HNF4G: variants seen among roughly 807,000 people sequenced by gnomAD.
The protein encoded by HNF4G is hepatocyte nuclear factor 4-gamma.
HNF4G carries 21 observed loss-of-function variants against 50.9 expected under a neutral mutation model. The ratio of observed to expected loss-of-function variants is 0.41; its 90% CI spans 0.29 to 0.59. The LOEUF (loss-of-function observed/expected upper bound fraction) is 0.59. HNF4G is among the 20% of genes least tolerant of loss of function. The probability of loss-of-function intolerance (pLI) is 0.26; values close to 1 mark genes in which losing one functional copy is unlikely to be tolerated. For missense variants in HNF4G, 527 were observed against 559.4 expected, an observed-to-expected ratio of 0.94 and a Z score of 0.58; for synonymous variants, 198 against 185.6, an observed-to-expected ratio of 1.07 and a Z score of -0.54.
intron 2 of HNF4G, among the ~76,000 whole-genome samples, chr8:75,500,405 A>G (rs1028016714): frequency 2.6e-5 from 4 of 152,148 alleles, no homozygotes; most frequent in Admixed American, 2.6e-4. Flanking sequence ...TTGAAATCTC[A>G]TGTATTACTG....
At position 75,504,223 on chromosome 8, in the gene HNF4G, GCACACAGA is replaced by G. The variant is rs1250036505; in HGVS notation, c.-24+14022_-24+14029del. Among the ~76,000 whole-genome samples, 3 of 87,250 alleles carry G rather than the reference GCACACAGA, an allele frequency of 3.4e-5. No individual in the cohort carries two copies. In the East Asian group the frequency reaches 1.2e-3, roughly 34 times the overall value. 57.2% of individuals were successfully genotyped at this position (87,250 alleles called of 152,430 possible). A position where few individuals can be genotyped will look rare whatever the true frequency, so the allele number is the denominator to read the frequency against. ...GTGACAGAGTAAGACTTTGTCCAAAGCACACAGACACACACACACACACACACACACAC... is the reference window on the plus strand; with the variant it reads ...GTGACAGAGTAAGACTTTGTCCAAAGCACACACACACACACACACACACAC... On this transcript the variant is annotated intron_variant, in intron 2 of 10. Coordinates refer to the HNF4G transcript ENST00000354370.
At chr8:75,499,598 A>G (rs190353913) in intron 2 of HNF4G, among the ~76,000 whole-genome samples, 12 of 152,188 alleles carry the variant, frequency 7.9e-5, no homozygotes, top group African/African-American at 2.6e-4. Context: ...CAACAAAAGA[A>G]CACAGCTGAA....
At chr8:75,531,064 G>A (rs942918441) in intron 2 of HNF4G, among the ~76,000 whole-genome samples, 4 of 152,028 alleles carry the variant, frequency 2.6e-5, no homozygotes, top group Admixed American at 2.6e-4. Context: ...AAGGTGCTGG[G>A]ATTACAGGTG....
At chr8:75,409,298 A>G (rs1026151151) in intron 1 of HNF4G, among the ~76,000 whole-genome samples, 2 of 152,126 alleles carry the variant, frequency 1.3e-5, no homozygotes, top group Non-Finnish European at 2.9e-5. Context: ...ACATTTTTCC[A>G]AAGTGCTTTA....
intron 5 of HNF4G, among the ~76,000 whole-genome samples, chr8:75,554,916 A>T (rs1047898912): frequency 6.6e-6 from 1 of 152,170 alleles, no homozygotes; most frequent in Non-Finnish European, 1.5e-5. Flanking sequence ...GCCCAGGAGA[A>T]TCTGAGAAGA....
intron 3 of HNF4G, among the ~76,000 whole-genome samples, chr8:75,548,387 A>C (rs1443573928): frequency 6.6e-6 from 1 of 152,130 alleles, no homozygotes; most frequent in Non-Finnish European, 1.5e-5. Flanking sequence ...TCATTTATTT[A>C]CTAAATACTT....
At chr8:75,453,512 G>A (rs58245885) in intron 1 of HNF4G, among the ~76,000 whole-genome samples, 23,754 of 94,078 alleles carry the variant, frequency 0.25, 2,200 homozygotes, top group African/African-American at 0.37. Context: ...CTGCCCCCCC[G>A]CCCCGTAGCC....
At chr8:75,445,019 A>T (rs1461728601) in intron 1 of HNF4G, among the ~76,000 whole-genome samples, 1,564 of 151,058 alleles carry the variant, frequency 0.01, 18 homozygotes, top group African/African-American at 0.036. Flanking sequence ...AACTGACCAC[A>T]TACTTGGAAG....
At chr8:75,415,516 T>C (rs1192614788) in intron 1 of HNF4G, among the ~76,000 whole-genome samples, 4 of 152,202 alleles carry the variant, frequency 2.6e-5, no homozygotes, top group East Asian at 3.9e-4. Context: ...TAAAGACTTA[T>C]GGAATTTAGA....
intron 1 of HNF4G, among the ~76,000 whole-genome samples, chr8:75,416,157 G>C (rs906237363): frequency 3.3e-5 from 5 of 151,958 alleles, no homozygotes; most frequent in Admixed American, 2.6e-4. Flanking sequence ...TTTTAATTTT[G>C]TTGTTTTATT....
At chr8:75,544,042 G>T in intron 2 of HNF4G, 63 bp downstream of exon 2, 1 of 1,413,134 alleles carries the variant, frequency 7.1e-7, no homozygotes. Flanking sequence ...CACGCAAAAA[G>T]TAAGAGAAGA....
At chr8:75,501,766 G>A (rs1346129692) in intron 2 of HNF4G, among the ~76,000 whole-genome samples, 8 of 152,012 alleles carry the variant, frequency 5.3e-5, no homozygotes, top group South Asian at 2.1e-4. Context: ...TTTGAAATAC[G>A]TATCTATCTT....
chr8:75,454,582 G>A (rs1488381694), intron 1 of HNF4G, among the ~76,000 whole-genome samples: 17 of 152,122 alleles, frequency 1.1e-4, no homozygotes, highest in Admixed American at 1.1e-3. Context: ...AAGACACAGA[G>A]CTTGTTGCTG....
At chr8:75,533,156 C>T (rs1806373497) in intron 2 of HNF4G, among the ~76,000 whole-genome samples, 1 of 152,002 alleles carries the variant, frequency 6.6e-6, no homozygotes, top group African/African-American at 2.4e-5. Context: ...ATTTTATTCA[C>T]ACTTTCAGTA....
chr8:75,469,125 G>A (rs73688898), intron 1 of HNF4G, among the ~76,000 whole-genome samples: 1 of 152,216 alleles, frequency 6.6e-6, no homozygotes, highest in South Asian at 2.1e-4. Flanking sequence ...TGAGGTGCAG[G>A]TGGAAGGAGC....
chr8:75,443,803 T>G (rs146005309), intron 1 of HNF4G, among the ~76,000 whole-genome samples: 41 of 152,324 alleles, frequency 2.7e-4, no homozygotes, highest in African/African-American at 9.6e-4. Flanking sequence ...TCATTTTATG[T>G]TTATCATTTG....
At chr8:75,546,374 ATG>A (rs1806777817) in intron 2 of HNF4G, among the ~76,000 whole-genome samples, 2 of 152,076 alleles carry the variant, frequency 1.3e-5, no homozygotes, top group Admixed American at 6.6e-5. Context: ...ACTCTTTTTT[ATG>A]TGTTTGTTTG....
At chr8:75,420,124 G>A (rs1464958844) in intron 1 of HNF4G, among the ~76,000 whole-genome samples, 2 of 151,124 alleles carry the variant, frequency 1.3e-5, no homozygotes, top group African/African-American at 4.9e-5. Flanking sequence ...CTTAATTTCT[G>A]TCTTCTCCTT....
At chr8:75,561,474 A>G (rs946481026) in intron 9 of HNF4G, among the ~76,000 whole-genome samples, 1 of 152,184 alleles carries the variant, frequency 6.6e-6, no homozygotes, top group Non-Finnish European at 1.5e-5. Context: ...TGAATTTACC[A>G]CTAGGAAACA....
Sources: gnomAD v4.1 joint callset for allele counts (sites outside exome capture counted in the v4.1 genomes callset) on GRCh38, gnomAD v4.1.1 for gene constraint, MANE v1.5 for transcripts, NCBI Gene and HGNC (gene_info 2026-07-23, HGNC 2026-07-21) for gene names.